The following RAVER2 variants were observed in gnomAD, a reference collection of about 807,000 sequenced individuals.
The protein encoded by RAVER2 is ribonucleoprotein, PTB binding 2.
A neutral mutation model predicts 78.1 loss-of-function variants in RAVER2; 46 were observed. The ratio of observed to expected loss-of-function variants is 0.59; its 90% CI spans 0.46 to 0.75. RAVER2 has a LOEUF of 0.75. Ranked by LOEUF, RAVER2 falls within the 30% of genes least tolerant of loss-of-function variation. RAVER2 has a pLI of 0.00. For missense variants in RAVER2, 793 were observed against 837.5 expected, an observed-to-expected ratio of 0.95 and a Z score of 0.66; for synonymous variants, 311 against 313.3, an observed-to-expected ratio of 0.99 and a Z score of 0.08.
chr1:64,746,092 G>T (rs1367335998), intron 1 of RAVER2, among the ~76,000 whole-genome samples: 1 of 152,216 alleles, frequency 6.6e-6, no homozygotes, highest in Non-Finnish European at 1.5e-5. Flanking sequence ...TAGCTACTCT[G>T]TGTATTTAAT....
At chr1:64,778,698 A>AATAT (rs36073002) in intron 3 of RAVER2, among the ~76,000 whole-genome samples, 4 of 148,316 alleles carry the variant, frequency 2.7e-5, no homozygotes, top group African/African-American at 7.4e-5. Context: ...CATTCTAATA[A>AATAT]ATATATATAT....
chr1:64,756,407 A>G (rs910992761), intron 1 of RAVER2, among the ~76,000 whole-genome samples: 7 of 152,102 alleles, frequency 4.6e-5, no homozygotes, highest in East Asian at 1.9e-4. Flanking sequence ...ATGGTTTCCT[A>G]TTTAGTTCAA....
At chr1:64,827,008 T>C (rs930050321) in intron 11 of RAVER2, among the ~76,000 whole-genome samples, 2 of 152,170 alleles carry the variant, frequency 1.3e-5, no homozygotes, top group Non-Finnish European at 2.9e-5. Flanking sequence ...TAAGTGAAGA[T>C]GTTCCTTTAT....
intron 1 of RAVER2, among the ~76,000 whole-genome samples, chr1:64,751,193 A>G (rs1651687885): frequency 6.6e-6 from 1 of 152,230 alleles, no homozygotes; most frequent in Non-Finnish European, 1.5e-5. Flanking sequence ...ACATGTTTTC[A>G]CATAGAAAGA....
chr1:64,763,917 TACACACACACAC>T (rs58298918), intron 1 of RAVER2, among the ~76,000 whole-genome samples: 4 of 133,738 alleles, frequency 3.0e-5, no homozygotes, highest in Admixed American at 7.5e-5. Context: ...AAAACAAAAA[TACACACACACAC>T]ACACACACAC....
intron 1 of RAVER2, among the ~76,000 whole-genome samples, chr1:64,756,189 A>G (rs1250833974): frequency 6.6e-6 from 1 of 152,150 alleles, no homozygotes; most frequent in South Asian, 2.1e-4. Flanking sequence ...AAGGTGGTAC[A>G]TGTTTTACAT....
At chr1:64,797,042 A>T (rs1653113883) in intron 5 of RAVER2, among the ~76,000 whole-genome samples, 1 of 152,160 alleles carries the variant, frequency 6.6e-6, no homozygotes, top group Non-Finnish European at 1.5e-5. Context: ...TTTTGGTTAT[A>T]ATTTAATTCA....
chr1:64,812,362 CAAAAAAAAAAA>C (rs61411897), intron 9 of RAVER2, among the ~76,000 whole-genome samples: 3 of 70,054 alleles, frequency 4.3e-5, no homozygotes, highest in Non-Finnish European at 8.4e-5. Flanking sequence ...ATTCCATCTC[CAAAAAAAAAAA>C]AAAAAAAAAA....
Position 64,782,208 on chromosome 1 carries a change from CTT to C in RAVER2, c.978+639_978+640del, listed in dbSNP as rs1652650565. Among the ~76,000 whole-genome samples the C allele has an allele frequency of 2.0e-5, 3 of 152,132 alleles. No homozygotes were observed. The South Asian group carries it at 6.2e-4, about 31-fold the overall frequency. On this transcript the variant is annotated intron_variant, in intron 4 of 11. Coordinates refer to ENST00000294428, the Ensembl canonical transcript of RAVER2. The stretch of plus-strand genomic sequence containing the variant: ...CGTGAGCCACCGCACCCAGCCGCCT[CTT>C]TATTCAAGAAGTTTTCACAAGTAGA...
Position 64,745,174 on chromosome 1 carries a change from T to TGGC in RAVER2, c.14_16dup (p.Ala5dup), listed in dbSNP as rs960918085. ...CGCAGCCGCTGGGCGCCCGGGAAGA[T>TGGC]GGCGGCGGCGGCGGGAGACGGCGGC... is the stretch of plus-strand genomic sequence containing the variant. On this transcript the variant is annotated inframe_insertion, in exon 1 of 12. Transcript: ENST00000294428. The surrounding 1 kb of genome is among the most constrained non-coding windows in gnomAD (Gnocchi z 4.3). The TGGC allele has an allele frequency of 4.7e-5, 48 of 1,015,912 alleles. No homozygotes were observed. The highest frequency in any genetic ancestry group is 5.5e-5 in the Non-Finnish European group (47 of 851,892). The allele number at this position is 1,015,912 out of a possible 1,614,324, so 62.9% of individuals were successfully genotyped here.
chr1:64,777,848 A>G, exon 3 of RAVER2: 1 of 1,614,134 alleles, frequency 6.2e-7, no homozygotes, highest in Non-Finnish European at 8.5e-7. Context: ...GTTACTGGCC[A>G]TTCCAAAGGC....
chr1:64,799,014 A>G (rs115988046), intron 5 of RAVER2, among the ~76,000 whole-genome samples: 211 of 152,340 alleles, frequency 1.4e-3, no homozygotes, highest in African/African-American at 4.7e-3. Flanking sequence ...ACAGTACTAT[A>G]GAACATGAAA....
At chr1:64,785,557 C>T (rs558679624) in intron 4 of RAVER2, among the ~76,000 whole-genome samples, 8 of 151,858 alleles carry the variant, frequency 5.3e-5, no homozygotes, top group African/African-American at 1.9e-4. Context: ...TTAGTAGAGA[C>T]GGGGTTTCAC....
intron 1 of RAVER2, among the ~76,000 whole-genome samples, chr1:64,763,076 A>G (rs544513179): frequency 1.9e-4 from 29 of 151,852 alleles, no homozygotes; most frequent in South Asian, 4.2e-4. Context: ...TTGGGAGGCC[A>G]AGGCGGGCAG....
intron 11 of RAVER2, among the ~76,000 whole-genome samples, chr1:64,826,911 T>C (rs2100904592): frequency 6.6e-6 from 1 of 152,246 alleles, no homozygotes; most frequent in South Asian, 2.1e-4. Context: ...AGTTTTGGCC[T>C]AGAAAAATGA....
At chr1:64,754,759 G>A (rs915270373) in intron 1 of RAVER2, among the ~76,000 whole-genome samples, 7 of 152,204 alleles carry the variant, frequency 4.6e-5, no homozygotes, top group South Asian at 2.1e-4. Context: ...GCTGTTGCAG[G>A]TCAACAAAAT....
chr1:64,797,975 A>G (rs541201442), intron 5 of RAVER2, among the ~76,000 whole-genome samples: 15 of 148,698 alleles, frequency 1.0e-4, no homozygotes, highest in African/African-American at 3.7e-4. Context: ...CACATTGTGC[A>G]GGTTAGTTAC....
intron 2 of RAVER2, among the ~76,000 whole-genome samples, chr1:64,770,118 A>G (rs953641454): frequency 1.3e-5 from 2 of 152,000 alleles, no homozygotes; most frequent in African/African-American, 4.8e-5. Flanking sequence ...AGTATTTCAA[A>G]CAGTGATGCA....
chr1:64,816,665 A>G (rs1653763540), intron 11 of RAVER2, among the ~76,000 whole-genome samples: 2 of 152,210 alleles, frequency 1.3e-5, no homozygotes, highest in Non-Finnish European at 1.5e-5. Flanking sequence ...TACTATTTCT[A>G]AAAACCCTGT....
Sources: allele counts gnomAD v4.1 joint callset (sites outside exome capture counted in the v4.1 genomes callset), GRCh38; gene constraint gnomAD v4.1.1; non-coding constraint Gnocchi (gnomAD v3.1); transcripts MANE v1.5; gene names NCBI Gene and HGNC (gene_info 2026-07-23, HGNC 2026-07-21).